The following MS4A12 variants were observed in gnomAD, a reference collection of about 807,000 sequenced individuals.
The protein encoded by MS4A12 is membrane spanning 4-domains A12.
Under a neutral mutation model 23.7 loss-of-function variants are expected in MS4A12, and 28 were observed. The observed-to-expected ratio is 1.18, with a 90% confidence interval of 0.88 to 1.62. The LOEUF (loss-of-function observed/expected upper bound fraction) is 1.62. Among genes scored for constraint, MS4A12 ranks in the 40% most tolerant of loss-of-function variants. The pLI, the probability that MS4A12 is intolerant of heterozygous loss-of-function variation, is 0.00. For missense variants in MS4A12, 342 were observed against 327.0 expected, an observed-to-expected ratio of 1.05 and a Z score of -0.35; for synonymous variants, 108 against 110.1, an observed-to-expected ratio of 0.98 and a Z score of 0.12.
intron 1 of MS4A12, among the ~76,000 whole-genome samples, chr11:60,496,965 C>A (rs1270580367): frequency 6.6e-6 from 1 of 152,198 alleles, no homozygotes; most frequent in South Asian, 2.1e-4. Flanking sequence ...TCATAAGGAG[C>A]ATGCAACCTA....
chr11:60,502,316 G>C (rs1050369903), intron 4 of MS4A12, among the ~76,000 whole-genome samples: 2 of 152,138 alleles, frequency 1.3e-5, no homozygotes, highest in African/African-American at 4.8e-5. Flanking sequence ...AAAGCTCCCT[G>C]GTTCAGTCTG....
At chr11:60,500,377 A>T (rs1295039227) in intron 2 of MS4A12, among the ~76,000 whole-genome samples, 35 of 152,208 alleles carry the variant, frequency 2.3e-4, no homozygotes, top group Admixed American at 2.3e-3. Flanking sequence ...GTAATCAAGA[A>T]GACTTCATGG....
chr11:60,493,621 A>G (rs2086465752), intron 1 of MS4A12, among the ~76,000 whole-genome samples: 1 of 152,224 alleles, frequency 6.6e-6, no homozygotes, highest in Admixed American at 6.5e-5. Context: ...AGGTAGGGAA[A>G]GAACATTCAT....
chr11:60,501,277 A>G lies in MS4A12; in HGVS notation c.414+95A>G, dbSNP rs1259620318. On this transcript the variant is annotated intron_variant, in intron 3 of 6. Coordinates refer to ENST00000016913, the MANE Select transcript of MS4A12 (RefSeq NM_017716.3). ...GCTATCTCCAGCCAATTCACAACTC[A>G]TTTCTTGATAAAGCCCTACATCTGA... The G allele has an allele frequency of 3.1e-6, 4 of 1,309,080 alleles. No homozygotes were observed. The African/African-American group carries it at 6.1e-5, about 20-fold the overall frequency. 81.1% of individuals were successfully genotyped at this position (1,309,080 alleles called of 1,614,324 possible).
At position 60,503,903 on chromosome 11, in the gene MS4A12, C is replaced by T. The variant is rs2086551104; in HGVS notation, c.588+86C>T. The T allele has an allele frequency of 3.5e-6, 4 of 1,147,130 alleles. No individual in the cohort carries two copies. In the African/African-American group the frequency reaches 4.6e-5, roughly 13 times the overall value. The allele number at this position is 1,147,130 out of a possible 1,614,324, so 71.1% of individuals were successfully genotyped here. On this transcript the variant is annotated intron_variant, in intron 5 of 6. Coordinates refer to ENST00000016913, the MANE Select transcript of MS4A12 (RefSeq NM_017716.3). The stretch of plus-strand genomic sequence containing the variant: ...TGTTTTATTTCTTAATACCGTATAC[C>T]AGCTCTAGTGGAAAATGTTTTTTCT...
chr11:60,506,063 C>T (rs1195929693), intron 5 of MS4A12, among the ~76,000 whole-genome samples: 3 of 152,156 alleles, frequency 2.0e-5, no homozygotes, highest in Non-Finnish European at 2.9e-5. Context: ...ATAAAACAAC[C>T]GCTAGGGCTC....
At chr11:60,494,637 T>C (rs2086474322) in intron 1 of MS4A12, among the ~76,000 whole-genome samples, 1 of 152,218 alleles carries the variant, frequency 6.6e-6, no homozygotes, top group Non-Finnish European at 1.5e-5. Context: ...TAGTTCCTTT[T>C]TAAGCTCTTG....
In MS4A12 at chr11:60,501,107, C is replaced by T; in HGVS notation, c.339C>T (p.Ser113=). ...TTGGAATTGTTTTGTGTTTAATATC[C>T]TTCTCTTTTAGAGAAGTATTAGGTT... ...IGFGIVLCLI[S]FSFREVLGFA... The change falls in exon 3 of 7, where the codon TCC becomes TCT. Residue 113 remains serine, a synonymous_variant. Transcript: ENST00000016913. 5 of 1,613,408 alleles carry T rather than the reference C, an allele frequency of 3.1e-6. No individual in the cohort carries two copies. The highest frequency in any genetic ancestry group is 4.2e-6 in the Non-Finnish European group (5 of 1,179,754).
intron 5 of MS4A12, among the ~76,000 whole-genome samples, chr11:60,505,988 C>T (rs978803101): frequency 2.6e-5 from 4 of 152,122 alleles, no homozygotes; most frequent in African/African-American, 4.8e-5. Context: ...GAACTGTGCT[C>T]GAAGCCAGCT....
At chr11:60,493,235 G>GCGT (rs1404769508) in intron 1 of MS4A12, among the ~76,000 whole-genome samples, 5 of 152,064 alleles carry the variant, frequency 3.3e-5, no homozygotes, top group African/African-American at 1.2e-4. Context: ...AATTAGCTGG[G>GCGT]CGTAGTGGCA....
At chr11:60,506,926 C>T (rs886793891) in intron 6 of MS4A12, 88 bp downstream of exon 6, 1 of 1,511,932 alleles carries the variant, frequency 6.6e-7, no homozygotes, top group Non-Finnish European at 9.2e-7. Flanking sequence ...TATCGGCTTA[C>T]CAGAATGCTC....
At chr11:60,500,641 C>T (rs1158323038) in intron 2 of MS4A12, among the ~76,000 whole-genome samples, 1 of 152,224 alleles carries the variant, frequency 6.6e-6, no homozygotes, top group Non-Finnish European at 1.5e-5. Context: ...TCACCAATTC[C>T]TTTACCCGTA....
In MS4A12 at chr11:60,497,389, G is replaced by C. The variant is rs2086495708; in HGVS notation, c.71G>C (p.Ser24Thr). Residue 24 changes from serine (S) to threonine (T), a missense_variant, in exon 2 of 7, where the codon AGC becomes ACC. Coordinates refer to ENST00000016913, the MANE Select transcript of MS4A12 (RefSeq NM_017716.3). Reference sequence around the variant, plus strand: ...ATACCCAACCCTTACCCACCAAGCAGCTTTATGGCTCCTGGATTTCAACAG... The same window carrying C: ...ATACCCAACCCTTACCCACCAAGCACCTTTATGGCTCCTGGATTTCAACAG... ...ETIPNPYPPSSFMAPGFQQPL... is the reference protein window; with the variant it reads ...ETIPNPYPPSTFMAPGFQQPL... 6.2e-7 allele frequency: 1 copy of C among 1,614,070 alleles called. No homozygotes were observed. Among genetic ancestry groups the C allele is most frequent in the Non-Finnish European group, 8.5e-7 (1 of 1,180,036 alleles).
At chr11:60,497,846 T>A in intron 2 of MS4A12, 1 of 452,500 alleles carries the variant, frequency 2.2e-6, no homozygotes, top group South Asian at 2.8e-5. Flanking sequence ...ACAGAAGCAC[T>A]GTTACATCTA....
In MS4A12 at chr11:60,503,828, C is replaced by A; in HGVS notation, c.588+11C>A. The stretch of plus-strand genomic sequence containing the variant: ...GACTACTGGGCCGTGGTAAGTATCC[C>A]ATACTCCACCATGTGCCTGCTCTAT... On this transcript the variant is annotated intron_variant, in intron 5 of 6. Coordinates refer to ENST00000016913, the MANE Select transcript of MS4A12 (RefSeq NM_017716.3). 1 of 1,599,388 alleles carries A rather than the reference C, an allele frequency of 6.3e-7. No individual in the cohort carries two copies. The highest frequency in any genetic ancestry group is 1.1e-5 in the South Asian group (1 of 90,318).
At chr11:60,501,563 A>G (rs182455466) in intron 3 of MS4A12, among the ~76,000 whole-genome samples, 1 of 152,200 alleles carries the variant, frequency 6.6e-6, no homozygotes, top group Admixed American at 6.5e-5. Context: ...AAAATATGCA[A>G]GTAAGCCAGG....
chr11:60,506,283 C>T (rs549793640), intron 5 of MS4A12, among the ~76,000 whole-genome samples: 40 of 152,266 alleles, frequency 2.6e-4, no homozygotes, highest in Middle Eastern at 3.4e-3. Flanking sequence ...TTCCCTCTCA[C>T]GGCATCTTTC....
At chr11:60,504,451 A>G (rs1039574021) in intron 5 of MS4A12, among the ~76,000 whole-genome samples, 11 of 152,230 alleles carry the variant, frequency 7.2e-5, no homozygotes, top group Admixed American at 6.5e-4. Flanking sequence ...TCCTACCTCA[A>G]TGGCCACATT....
chr11:60,494,626 A>G (rs2086474168), intron 1 of MS4A12, among the ~76,000 whole-genome samples: 1 of 152,216 alleles, frequency 6.6e-6, no homozygotes, highest in African/African-American at 2.4e-5. Context: ...TAATAAAATA[A>G]TAGTTCCTTT....
Sources: gnomAD v4.1 joint callset for allele counts (sites outside exome capture counted in the v4.1 genomes callset) on GRCh38, gnomAD v4.1.1 for gene constraint, MANE v1.5 for transcripts, NCBI Gene and HGNC (gene_info 2026-07-23, HGNC 2026-07-21) for gene names.